ADAMTS10: variants seen among roughly 807,000 people sequenced by gnomAD.
ADAMTS10 encodes the protein ADAM metallopeptidase with thrombospondin type 1 motif 10.
In ADAMTS10, 48 loss-of-function variants were observed where a neutral mutation model predicts 135.9. The ratio of observed to expected loss-of-function variants is 0.35; its 90% CI spans 0.28 to 0.45. The LOEUF is 0.45. ADAMTS10 is among the 20% of genes least tolerant of loss of function. ADAMTS10 has a pLI of 1.00. For synonymous variants in ADAMTS10, 621 were observed against 647.5 expected (o/e 0.96, Z 0.62); for missense variants, 1,131 against 1,565.2 (o/e 0.72, Z 4.68).
At chr19:8,609,233 C>CGT (rs1568410092) in intron 1 of ADAMTS10, among the ~76,000 whole-genome samples, 5 of 92,400 alleles carry the variant, frequency 5.4e-5, no homozygotes, top group African/African-American at 1.0e-4. Context: ...TGTGTGTGAC[C>CGT]CTGTGTGTGT....
At position 8,597,058 on chromosome 19, in the gene ADAMTS10, G is replaced by A. The variant is rs781969142; in HGVS notation, c.969C>T (p.Asn323=). 1.8e-5 allele frequency: 29 copies of A among 1,614,082 alleles called. No individual in the cohort carries two copies. The highest frequency in any genetic ancestry group is 6.7e-5 in the Admixed American group (4 of 60,002). The change falls in exon 8 of 26, where the codon AAC becomes AAT. Residue 323 remains asparagine (N), a synonymous_variant. Coordinates refer to ENST00000597188, the MANE Select transcript of ADAMTS10 (RefSeq NM_030957.4). ...GAATGGCATTGCCATGGCCGCTGTG[G>A]TTCACGATGGATTTCTGCCACTTAC... The part of the protein sequence containing the change: ...SFCKWQKSIV[N]HSGHGNAIPE...
At chr19:8,588,688 C>T (rs1465642312) in intron 18 of ADAMTS10, among the ~76,000 whole-genome samples, 1 of 152,180 alleles carries the variant, frequency 6.6e-6, no homozygotes, top group Non-Finnish European at 1.5e-5. Flanking sequence ...ATTCTCGCAG[C>T]TCCTCTGGCT....
At chr19:8,606,515 C>T (rs2042724042) in intron 2 of ADAMTS10, among the ~76,000 whole-genome samples, 1 of 152,228 alleles carries the variant, frequency 6.6e-6, no homozygotes, top group African/African-American at 2.4e-5. Flanking sequence ...GATTCTCCCG[C>T]CTCAGCCTCC....
At chr19:8,587,143 T>TTTTCTTTC (rs34107175) in intron 18 of ADAMTS10, among the ~76,000 whole-genome samples, 2 of 151,656 alleles carry the variant, frequency 1.3e-5, no homozygotes, top group African/African-American at 2.4e-5. Context: ...GGGTTAGGAT[T>TTTTCTTTC]TTTCTTTCTT....
chr19:8,593,310 T>C (rs1403124453), intron 12 of ADAMTS10: 1 of 176,172 alleles, frequency 5.7e-6, no homozygotes, highest in East Asian at 1.6e-4. Flanking sequence ...ACAGGAAGGA[T>C]TTGGGGTTCT....
At position 8,603,636 on chromosome 19, in the gene ADAMTS10, C is replaced by T. The variant is rs74758686; in HGVS notation, c.592+92G>A. 4.1e-3 allele frequency: 6,442 copies of T among 1,563,730 alleles called. 23 individuals are homozygous for T. The highest frequency in any genetic ancestry group is 4.7e-3 in the Non-Finnish European group (5,371 of 1,141,070). On this transcript the variant is annotated intron_variant, in intron 5 of 25. Transcript: ENST00000597188. ...CAGCTCCATTCTTCCCCTCACATAA[C>T]TGCCTGCTGACTTTCTGGATAAAAA...
rs782516100 is a variant in ADAMTS10 at position 8,585,543 on chromosome 19, G to T, written c.2778C>A (p.Ser926Arg). ...CAGGTGGGCGCGGCTGCGGGCATGC[G>T]CTGTCGTCCAGCGCCTTCTCCTCCG... Reference protein sequence around the residue: ...SAAEEKALDDSACPQPRPPVL... With the variant: ...SAAEEKALDDRACPQPRPPVL... Residue 926 changes from serine to arginine, a missense_variant, in exon 23 of 26, where the codon AGC becomes AGA. Ser to Arg is a moderately radical substitution (Grantham distance 110). This residue lies in a region of ADAMTS10 where 745 missense variants were observed against 1,056.3 expected (regional missense o/e 0.71). Coordinates refer to ENST00000597188, the MANE Select transcript of ADAMTS10 (RefSeq NM_030957.4). 1.6e-5 allele frequency: 25 copies of T among 1,581,542 alleles called. No individual in the cohort carries two copies. The highest frequency in any genetic ancestry group is 2.1e-5 in the Non-Finnish European group (24 of 1,164,820).
At chr19:8,584,814 T>C (rs1374931141) in intron 25 of ADAMTS10, 81 bp downstream of exon 25, 7 of 1,523,026 alleles carry the variant, frequency 4.6e-6, no homozygotes, top group Non-Finnish European at 6.2e-6. Context: ...AGTTCTAGGA[T>C]GAAGTCAGGA....
intron 25 of ADAMTS10, among the ~76,000 whole-genome samples, chr19:8,582,341 G>A (rs929660497): frequency 2.6e-5 from 4 of 152,138 alleles, no homozygotes; most frequent in Admixed American, 2.0e-4. Context: ...GGTGGCAGGC[G>A]CCTGTAGTCC....
At chr19:8,604,787 C>T (rs1474731770) in intron 4 of ADAMTS10, 20 of 611,488 alleles carry the variant, frequency 3.3e-5, no homozygotes, top group South Asian at 1.6e-4. Flanking sequence ...TGCCCAGCCT[C>T]GAATTTTTTG....
chr19:8,588,256 T>TC (rs1351883446), intron 18 of ADAMTS10, among the ~76,000 whole-genome samples: 2 of 145,436 alleles, frequency 1.4e-5, no homozygotes, highest in African/African-American at 5.2e-5. Flanking sequence ...TCAAAAAAAA[T>TC]TTTTTTTTTT....
At chr19:8,588,353 T>A (rs1555737839) in intron 18 of ADAMTS10, among the ~76,000 whole-genome samples, 1 of 151,906 alleles carries the variant, frequency 6.6e-6, no homozygotes, top group Non-Finnish European at 1.5e-5. Flanking sequence ...CCCAAAGCCC[T>A]GGGATTACAG....
At chr19:8,595,509 C>T in intron 12 of ADAMTS10, 1 of 535,850 alleles carries the variant, frequency 1.9e-6, no homozygotes, top group Admixed American at 2.9e-5. Flanking sequence ...GGCCCCCCAG[C>T]CCAGCCCTCA....
intron 13 of ADAMTS10, 89 bp from the exon 14 acceptor site, chr19:8,592,192 G>GAA (rs781904455): frequency 7.0e-7 from 1 of 1,429,720 alleles, no homozygotes; most frequent in Non-Finnish European, 9.2e-7. Flanking sequence ...GCCCCAGCCA[G>GAA]AGATATCAGC....
At chr19:8,599,755 A>G (rs1055681368) in intron 6 of ADAMTS10, among the ~76,000 whole-genome samples, 2 of 151,966 alleles carry the variant, frequency 1.3e-5, no homozygotes, top group African/African-American at 4.8e-5. Flanking sequence ...GACTACAGGC[A>G]TGTGCCACCA....
chr19:8,580,624 A>C lies in ADAMTS10; in HGVS notation c.*269T>G. ...GTGGGTTCAAAGGGTGCTGGGGTGA[A>C]CAGCTGTCCCCTCCCCAGACCCACC... On this transcript the variant is annotated 3_prime_UTR_variant, in exon 26 of 26. Transcript: ENST00000597188. 2 of 450,926 alleles carry C rather than the reference A, an allele frequency of 4.4e-6. No homozygotes were observed. Among genetic ancestry groups the C allele is most frequent in the Non-Finnish European group, 8.3e-6 (2 of 242,258 alleles). 27.9% of individuals were successfully genotyped at this position (450,926 alleles called of 1,614,324 possible).
intron 13 of ADAMTS10, 101 bp downstream of exon 13, chr19:8,592,662 A>G (rs1396455504): frequency 3.3e-6 from 4 of 1,198,982 alleles, no homozygotes; most frequent in Non-Finnish European, 4.8e-6. Flanking sequence ...CCAATGTGGG[A>G]GGGAGCAGAT....
chr19:8,608,746 G>A (rs1361241349), intron 1 of ADAMTS10, among the ~76,000 whole-genome samples: 1 of 151,988 alleles, frequency 6.6e-6, no homozygotes, highest in Non-Finnish European at 1.5e-5. Flanking sequence ...CCTCATCACT[G>A]TCCTCTGAAG....
rs782504666 is a variant in ADAMTS10, at chr19:8,589,985, G to C, written c.1804C>G (p.Pro602Ala). The C allele has an allele frequency of 5.6e-6, 9 of 1,612,802 alleles. No homozygotes were observed. The highest frequency in any genetic ancestry group is 1.7e-4 in the Middle Eastern group (1 of 6,060). ...RHRSCNTDDC[P>A]PGSQDFREVQ... ...TCTCTGAAGTCCTGGGAGCCAGGGGGACAGTCCTGGGGGCAGGAGAGGAGA... is the reference window on the plus strand; with the variant it reads ...TCTCTGAAGTCCTGGGAGCCAGGGGCACAGTCCTGGGGGCAGGAGAGGAGA... Residue 602 changes from proline to alanine, a missense_variant, in exon 16 of 26, where the codon CCC (proline) becomes GCC (alanine). Pro to Ala is a conservative substitution (Grantham distance 27). Coordinates refer to ENST00000597188, the MANE Select transcript of ADAMTS10 (RefSeq NM_030957.4).
Sources: allele counts gnomAD v4.1 joint callset (sites outside exome capture counted in the v4.1 genomes callset), GRCh38; gene constraint gnomAD v4.1.1; regional missense constraint gnomAD v4.1.1; transcripts MANE v1.5; gene names NCBI Gene and HGNC (gene_info 2026-07-23, HGNC 2026-07-21).